The following MARK1 variants were observed in gnomAD, a reference collection of about 807,000 sequenced individuals.
The protein encoded by MARK1 is serine/threonine-protein kinase MARK1.
Under a neutral mutation model 96.3 loss-of-function variants are expected in MARK1, and 40 were observed. The ratio of observed to expected loss-of-function variants is 0.42; its 90% CI spans 0.32 to 0.54. The LOEUF (loss-of-function observed/expected upper bound fraction) is 0.54. Ranked by LOEUF, MARK1 falls within the 20% of genes least tolerant of loss-of-function variation. The pLI, the probability that MARK1 is intolerant of heterozygous loss-of-function variation, is 0.16. For synonymous variants in MARK1, 317 were observed against 341.2 expected, an observed-to-expected ratio of 0.93 and a Z score of 0.78; for missense variants, 719 against 984.6, an observed-to-expected ratio of 0.73 and a Z score of 3.61.
intron 1 of MARK1, among the ~76,000 whole-genome samples, chr1:220,566,997 G>T (rs1160650370): frequency 6.6e-6 from 1 of 151,906 alleles, no homozygotes; most frequent in African/African-American, 2.4e-5. Context: ...AGTTCAAAAG[G>T]GTATGCCAGT....
At chr1:220,655,047 C>T (rs1462448183) in intron 16 of MARK1, among the ~76,000 whole-genome samples, 2 of 152,200 alleles carry the variant, frequency 1.3e-5, no homozygotes, top group Admixed American at 1.3e-4. Context: ...GGTCTCCTGC[C>T]TTCCTGTGAG....
At chr1:220,646,475 T>C (rs1333648754) in intron 13 of MARK1, among the ~76,000 whole-genome samples, 1 of 152,208 alleles carries the variant, frequency 6.6e-6, no homozygotes, top group African/African-American at 2.4e-5. Flanking sequence ...AAAATGACCA[T>C]ACTGCCAAAG....
chr1:220,626,430 TGAC>T (rs1667339079), intron 9 of MARK1: 2 of 544,654 alleles, frequency 3.7e-6, no homozygotes, highest in Non-Finnish European at 3.7e-6. Flanking sequence ...GAGATGGGAT[TGAC>T]GACAAGTCCT....
At chr1:220,658,517 T>C (rs1444859180) in intron 17 of MARK1, among the ~76,000 whole-genome samples, 5 of 152,214 alleles carry the variant, frequency 3.3e-5, no homozygotes, top group African/African-American at 1.2e-4. Context: ...TATGGACATG[T>C]TAGTACTTGT....
chr1:220,622,885 C>A (rs1403606494), intron 9 of MARK1, among the ~76,000 whole-genome samples: 1 of 152,062 alleles, frequency 6.6e-6, no homozygotes, highest in African/African-American at 2.4e-5. Flanking sequence ...ACCCTGTCTC[C>A]AAATAAGATA....
Position 220,618,737 on chromosome 1 carries a change from A to C in MARK1, c.891A>C (p.Ile297=). Residue 297 remains isoleucine, a synonymous_variant, in exon 9 of 18, where the codon ATA becomes ATC. Coordinates refer to ENST00000366917, the MANE Select transcript of MARK1 (RefSeq NM_018650.5). This position sits in a 1 kb window ranked among gnomAD's most constrained non-coding sequence, Gnocchi z 4.6. ...AGAAATTATTAGTCCTGAATCCAAT[A>C]AAGAGAGGCAGCTTGGAAGTAAGTA... ...LLKKLLVLNP[I]KRGSLEQIMK... 1 of 1,597,846 alleles carries C rather than the reference A, an allele frequency of 6.3e-7. No homozygotes were observed. Among genetic ancestry groups the C allele is most frequent in the Non-Finnish European group, 8.5e-7 (1 of 1,175,050 alleles).
At chr1:220,639,238 G>A (rs1668135969) in intron 13 of MARK1, among the ~76,000 whole-genome samples, 1 of 151,904 alleles carries the variant, frequency 6.6e-6, no homozygotes. Context: ...GCTCCAGCCT[G>A]GGTGACAGAG....
intron 5 of MARK1, among the ~76,000 whole-genome samples, chr1:220,601,186 G>A (rs1301453528): frequency 1.3e-5 from 2 of 152,022 alleles, no homozygotes; most frequent in Admixed American, 6.5e-5. Context: ...CCAAAGTGCT[G>A]GGATTACAGG....
intron 9 of MARK1, among the ~76,000 whole-genome samples, chr1:220,625,374 G>C (rs1486372252): frequency 6.6e-6 from 1 of 152,108 alleles, no homozygotes; most frequent in Non-Finnish European, 1.5e-5. Context: ...TTAGGTGCTG[G>C]ATATGCAATA....
At chr1:220,559,648 G>T (rs1662526024) in intron 1 of MARK1, among the ~76,000 whole-genome samples, 1 of 152,192 alleles carries the variant, frequency 6.6e-6, no homozygotes, top group African/African-American at 2.4e-5. Flanking sequence ...CTCTTGAAAA[G>T]ATGGAACTGA....
At chr1:220,660,728 C>A (rs1669433896) in intron 17 of MARK1, among the ~76,000 whole-genome samples, 1 of 152,026 alleles carries the variant, frequency 6.6e-6, no homozygotes, top group South Asian at 2.1e-4. Context: ...TTCCATATTA[C>A]TTGGGGGATG....
intron 9 of MARK1, chr1:220,626,889 T>C (rs559661846): frequency 1.8e-4 from 90 of 487,826 alleles, no homozygotes; most frequent in African/African-American, 1.7e-3. Context: ...TTAACCTGCC[T>C]ATGCTGATGC....
chr1:220,583,010 C>T (rs550190095), intron 3 of MARK1, among the ~76,000 whole-genome samples: 1 of 152,166 alleles, frequency 6.6e-6, no homozygotes, highest in Non-Finnish European at 1.5e-5. Context: ...CATTAATTCT[C>T]ATGTGTTTAG....
At chr1:220,535,696 A>G (rs540455092) in intron 1 of MARK1, among the ~76,000 whole-genome samples, 1 of 152,150 alleles carries the variant, frequency 6.6e-6, no homozygotes, top group Non-Finnish European at 1.5e-5. Context: ...TGTGTATGAT[A>G]TAAAATGAGG....
At chr1:220,653,852 A>G (rs1401945846) in intron 16 of MARK1, among the ~76,000 whole-genome samples, 2 of 152,234 alleles carry the variant, frequency 1.3e-5, no homozygotes, top group African/African-American at 4.8e-5. Flanking sequence ...AAATGAATAC[A>G]TGTATAGTAA....
chr1:220,636,049 T>G, intron 13 of MARK1, 23 bp downstream of exon 13: 1 of 1,478,822 alleles, frequency 6.8e-7, no homozygotes, highest in Non-Finnish European at 9.1e-7. Flanking sequence ...TCTGGTATAT[T>G]GCAATTTATT....
At chr1:220,601,451 T>A (rs1048407061) in intron 5 of MARK1, among the ~76,000 whole-genome samples, 1 of 152,130 alleles carries the variant, frequency 6.6e-6, no homozygotes, top group Non-Finnish European at 1.5e-5. Context: ...AAAATGTGGA[T>A]CTATAATAAA....
At chr1:220,534,495 T>C (rs1170524530) in intron 1 of MARK1, among the ~76,000 whole-genome samples, 1 of 152,146 alleles carries the variant, frequency 6.6e-6, no homozygotes, top group Non-Finnish European at 1.5e-5. Context: ...TCTATCTTCA[T>C]GAGATCGCTT....
rs1307766102 is a variant in MARK1 at position 220,653,007 on chromosome 1, G to A, written c.1737-94G>A. On this transcript the variant is annotated intron_variant, in intron 15 of 17. Coordinates refer to ENST00000366917, the MANE Select transcript of MARK1 (RefSeq NM_018650.5). ...GTGAACAAATAAAGTAGGGCCAAAA[G>A]AAGTAGCCATAGCTATTTGTTTCAA... 3.5e-6 allele frequency: 5 copies of A among 1,408,710 alleles called. No homozygotes were observed. The East Asian group carries it at 1.2e-4, about 32-fold the overall frequency. The allele number at this position is 1,408,710 out of a possible 1,614,324, so 87.3% of individuals were successfully genotyped here.
Sources: gnomAD v4.1 joint callset for allele counts (sites outside exome capture counted in the v4.1 genomes callset) on GRCh38, gnomAD v4.1.1 for gene constraint, Gnocchi (gnomAD v3.1) non-coding constraint, MANE v1.5 for transcripts, NCBI Gene and HGNC (gene_info 2026-07-23, HGNC 2026-07-21) for gene names.